PHACTR3: variants seen among roughly 807,000 people sequenced by gnomAD.
The protein encoded by PHACTR3 is phosphatase and actin regulator 3, also known as protein phosphatase 1, regulatory subunit 123.
A neutral mutation model predicts 66.8 loss-of-function variants in PHACTR3; 16 were observed. The ratio of observed to expected loss-of-function variants is 0.24; its 90% CI spans 0.16 to 0.36. The LOEUF (loss-of-function observed/expected upper bound fraction) is 0.36, where lower values mean the gene tolerates loss of function less well. PHACTR3 is among the 10% of genes least tolerant of loss of function. The pLI is 1.00. For synonymous variants in PHACTR3, 323 were observed against 292.1 expected, an observed-to-expected ratio of 1.11 and a Z score of -1.08; for missense variants, 647 against 719.9, an observed-to-expected ratio of 0.90 and a Z score of 1.16.
intron 1 of PHACTR3, among the ~76,000 whole-genome samples, chr20:59,670,931 A>G (rs919850365): frequency 1.6e-4 from 24 of 152,008 alleles, no homozygotes; most frequent in Non-Finnish European, 1.3e-4. Flanking sequence ...CTCCTCTGCA[A>G]TCTCGTACTT....
chr20:59,802,109 A>G (rs1210262052), intron 7 of PHACTR3, among the ~76,000 whole-genome samples: 1 of 152,054 alleles, frequency 6.6e-6, no homozygotes, highest in Non-Finnish European at 1.5e-5. Context: ...GGTCCTACTT[A>G]GTTTTGGACG....
intron 1 of PHACTR3, among the ~76,000 whole-genome samples, chr20:59,599,128 C>T (rs1039920512): frequency 6.6e-6 from 1 of 152,238 alleles, no homozygotes; most frequent in African/African-American, 2.4e-5. Flanking sequence ...CCCTCAGTCC[C>T]ACAAAGCCCG....
intron 7 of PHACTR3, among the ~76,000 whole-genome samples, chr20:59,786,769 T>C (rs2040932039): frequency 1.3e-5 from 2 of 151,650 alleles, no homozygotes; most frequent in Admixed American, 1.3e-4. Context: ...CAGATGTCCG[T>C]GGAGCTCTCT....
intron 4 of PHACTR3, among the ~76,000 whole-genome samples, chr20:59,763,272 G>A (rs2040062578): frequency 6.6e-6 from 1 of 152,196 alleles, no homozygotes; most frequent in Admixed American, 6.5e-5. Flanking sequence ...TGCCATGATT[G>A]TAAGTTTCCT....
chr20:59,715,914 A>G (rs1195305367), intron 1 of PHACTR3, among the ~76,000 whole-genome samples: 1 of 152,214 alleles, frequency 6.6e-6, no homozygotes, highest in African/African-American at 2.4e-5. Context: ...TGTTTGTAGC[A>G]CACCAGACAC....
intron 1 of PHACTR3, among the ~76,000 whole-genome samples, chr20:59,671,351 G>C (rs1379107112): frequency 6.6e-6 from 1 of 152,188 alleles, no homozygotes; most frequent in Non-Finnish European, 1.5e-5. Context: ...TTTCTCCAAA[G>C]TGATGATGCA....
At chr20:59,631,833 G>T (rs539707743) in intron 1 of PHACTR3, among the ~76,000 whole-genome samples, 1 of 152,260 alleles carries the variant, frequency 6.6e-6, no homozygotes, top group East Asian at 1.9e-4. Flanking sequence ...GGATGACTGG[G>T]CTGAGGCTTG....
At chr20:59,662,993 G>C (rs1178988953) in intron 1 of PHACTR3, among the ~76,000 whole-genome samples, 1 of 152,222 alleles carries the variant, frequency 6.6e-6, no homozygotes, top group African/African-American at 2.4e-5. Flanking sequence ...TGAAGTCAAG[G>C]CATCAGTAGG....
chr20:59,635,169 C>CTTTCTTTT (rs1555881178), intron 1 of PHACTR3, among the ~76,000 whole-genome samples: 1 of 55,340 alleles, frequency 1.8e-5, no homozygotes, highest in African/African-American at 7.5e-5. Flanking sequence ...TTCTTTCTTT[C>CTTTCTTTT]CTTTCTTTCT....
chr20:59,806,140 G>T lies in PHACTR3; in HGVS notation c.1274G>T (p.Arg425Met), dbSNP rs1460151386. The T allele has an allele frequency of 6.2e-7, 1 of 1,614,138 alleles. No homozygotes were observed. The highest frequency in any genetic ancestry group is 1.3e-5 in the African/African-American group (1 of 74,952). ...ELEDRNIFPR[R>M]TDEERQEIRQ... ...GAAGACCGGAACATTTTCCCCAGAA[G>T]GACTGATGAAGAAAGACAGGAGATC... Residue 425 changes from arginine (R) to methionine (M), a missense_variant, in exon 8 of 13, where the codon AGG (arginine) becomes ATG (methionine). This residue lies in a region of PHACTR3 where 577 missense variants were observed against 571.1 expected (regional missense o/e 1.01). Coordinates refer to ENST00000371015, the MANE Select transcript of PHACTR3 (RefSeq NM_080672.5).
At chr20:59,605,608 C>T (rs2033633360) in intron 1 of PHACTR3, among the ~76,000 whole-genome samples, 1 of 152,232 alleles carries the variant, frequency 6.6e-6, no homozygotes, top group Non-Finnish European at 1.5e-5. Context: ...CGCCTGACTC[C>T]AGCGGGGCCT....
intron 4 of PHACTR3, among the ~76,000 whole-genome samples, chr20:59,760,287 G>T (rs1158321824): frequency 2.0e-5 from 3 of 152,098 alleles, no homozygotes; most frequent in Non-Finnish European, 2.9e-5. Flanking sequence ...TGGTGATTTG[G>T]GTTGACTTTG....
chr20:59,578,354 G>T (rs1485299503), intron 1 of PHACTR3, among the ~76,000 whole-genome samples: 1 of 152,196 alleles, frequency 6.6e-6, no homozygotes, highest in Non-Finnish European at 1.5e-5. Context: ...AGCCCGGAGT[G>T]GGGTGGAGGA....
At chr20:59,715,258 A>AT (rs1416197532) in intron 1 of PHACTR3, among the ~76,000 whole-genome samples, 1 of 152,132 alleles carries the variant, frequency 6.6e-6, no homozygotes, top group Non-Finnish European at 1.5e-5. Flanking sequence ...TTTGCAATAG[A>AT]TTTTTTGTAT....
intron 1 of PHACTR3, among the ~76,000 whole-genome samples, chr20:59,641,284 C>G (rs1458387105): frequency 6.6e-6 from 1 of 152,002 alleles, no homozygotes. Flanking sequence ...CATCCATTGT[C>G]TGTCTATCTG....
intron 1 of PHACTR3, among the ~76,000 whole-genome samples, chr20:59,588,169 C>A (rs1214452392): frequency 6.6e-6 from 1 of 152,174 alleles, no homozygotes; most frequent in Non-Finnish European, 1.5e-5. Context: ...GTAAAACAGA[C>A]AACCTCTCAC....
intron 1 of PHACTR3, among the ~76,000 whole-genome samples, chr20:59,737,489 CGT>C (rs148487053): frequency 2.0e-5 from 3 of 150,502 alleles, no homozygotes; most frequent in South Asian, 2.1e-4. Flanking sequence ...CGTGCATGTG[CGT>C]GTGTGTGTGT....
At chr20:59,599,418 C>T (rs117937914) in intron 1 of PHACTR3, among the ~76,000 whole-genome samples, 5,593 of 152,236 alleles carry the variant, frequency 0.037, 139 homozygotes, top group Middle Eastern at 0.061. Flanking sequence ...CATAAGAAGA[C>T]GGCGGAATTG....
At chr20:59,717,614 A>T (rs1409717633) in intron 1 of PHACTR3, among the ~76,000 whole-genome samples, 1 of 152,184 alleles carries the variant, frequency 6.6e-6, no homozygotes, top group Non-Finnish European at 1.5e-5. Flanking sequence ...TGGAGCTGGA[A>T]TCCCCACTGG....
Sources: allele counts gnomAD v4.1 joint callset (sites outside exome capture counted in the v4.1 genomes callset), GRCh38; gene constraint gnomAD v4.1.1; regional missense constraint gnomAD v4.1.1; transcripts MANE v1.5; gene names NCBI Gene and HGNC (gene_info 2026-07-23, HGNC 2026-07-21).